The following FGF12 variants were observed in gnomAD, a reference collection of about 807,000 sequenced individuals.
The protein encoded by FGF12 is fibroblast growth factor 12.
Under a neutral mutation model 23.6 loss-of-function variants are expected in FGF12, and 14 were observed. The observed-to-expected ratio is 0.59, with a 90% CI of 0.39 to 0.93. The LOEUF (loss-of-function observed/expected upper bound fraction) is 0.93. FGF12 is among the 40% of genes least tolerant of loss of function. FGF12 has a pLI of 0.00. For synonymous variants in FGF12, 62 were observed against 77.3 expected, an observed-to-expected ratio of 0.80 and a Z score of 1.04; for missense variants, 175 against 217.8, an observed-to-expected ratio of 0.80 and a Z score of 1.24.
chr3:192,645,059 G>A (rs1253522451), intron 2 of FGF12, among the ~76,000 whole-genome samples: 1 of 152,134 alleles, frequency 6.6e-6, no homozygotes, highest in African/African-American at 2.4e-5. Flanking sequence ...CATATTTCGG[G>A]GAATAAAAGC....
At chr3:192,417,327 C>A (rs1721387764) in intron 2 of FGF12, among the ~76,000 whole-genome samples, 3 of 148,160 alleles carry the variant, frequency 2.0e-5, no homozygotes, top group Admixed American at 1.4e-4. Flanking sequence ...AGAATGTTGA[C>A]TTCATGCCAA....
rs189569343 is a variant in FGF12, at chr3:192,529,607, G to T, written c.14-169069C>A. 1.1e-3 allele frequency among the ~76,000 whole-genome samples: 174 copies of T among 152,228 alleles called. 1 individual carries two copies. Among genetic ancestry groups the T allele is most frequent in the African/African-American group, 4.0e-3 (165 of 41,534 alleles). Reference sequence around the variant, plus strand: ...TGTATTAGTCCATTTTTATGCTGCTGATAAAGACATACTGGAGACTGGGCA... The same window carrying T: ...TGTATTAGTCCATTTTTATGCTGCTTATAAAGACATACTGGAGACTGGGCA... On this transcript the variant is annotated intron_variant, in intron 2 of 5. Coordinates refer to ENST00000445105, the MANE Select transcript of FGF12 (RefSeq NM_004113.6).
At chr3:192,352,422 G>A (rs145084074) in intron 3 of FGF12, among the ~76,000 whole-genome samples, 118 of 152,342 alleles carry the variant, frequency 7.7e-4, no homozygotes, top group African/African-American at 2.7e-3. Context: ...CTGAAGTGAT[G>A]CTGGAAAATG....
chr3:192,432,620 CAAAAA>C (rs201364119), intron 2 of FGF12, among the ~76,000 whole-genome samples: 44,597 of 105,894 alleles, frequency 0.42, 7,036 homozygotes, highest in South Asian at 0.54. Context: ...TGACATCTGG[CAAAAA>C]AAAAAAAAAA....
intron 2 of FGF12, among the ~76,000 whole-genome samples, chr3:192,711,481 A>C (rs138033938): frequency 0.076 from 11,502 of 152,066 alleles, 816 homozygotes; most frequent in East Asian, 0.19. Flanking sequence ...GCCATGATGA[A>C]GATGGCGGTT....
intron 2 of FGF12, among the ~76,000 whole-genome samples, chr3:192,369,760 C>T (rs772131284): frequency 2.1e-4 from 32 of 152,178 alleles, no homozygotes; most frequent in Non-Finnish European, 4.0e-4. Flanking sequence ...GAGTAAGATG[C>T]AATTCCTGCC....
chr3:192,171,986 TCCTCCCACATCAGCCTC>T lies in FGF12; in HGVS notation c.229-1347_229-1331del, dbSNP rs370680474. Among the ~76,000 whole-genome samples the T allele has an allele frequency of 6.6e-3, 996 of 152,044 alleles. 6 individuals are homozygous for T. Among genetic ancestry groups the T allele is most frequent in the African/African-American group, 0.023 (955 of 41,468 alleles). ...GCCTCAAACTCCCGGGCCCAGAAGA[TCCTCCCACATCAGCCTC>T]CCAAGTAGCTGGAACTACAGGTGTG... On this transcript the variant is annotated intron_variant, in intron 4 of 5. Transcript: ENST00000445105.
chr3:192,251,076 G>A (rs1002484814), intron 4 of FGF12, among the ~76,000 whole-genome samples: 1 of 152,138 alleles, frequency 6.6e-6, no homozygotes, highest in African/African-American at 2.4e-5. Flanking sequence ...CTGATCGTGA[G>A]TCAATAATGG....
chr3:192,345,673 C>T (rs1486814958), intron 3 of FGF12, among the ~76,000 whole-genome samples: 1 of 37,946 alleles, frequency 2.6e-5, no homozygotes, highest in Non-Finnish European at 3.7e-5. Flanking sequence ...GGCGACAGAG[C>T]GAGACTCCGT....
intron 2 of FGF12, among the ~76,000 whole-genome samples, chr3:192,580,902 A>G (rs1172571969): frequency 1.3e-5 from 2 of 152,212 alleles, no homozygotes; most frequent in African/African-American, 4.8e-5. Flanking sequence ...TCCGGCCTCA[A>G]TAAAGAATTT....
At chr3:192,195,988 C>T (rs1717048395) in intron 4 of FGF12, among the ~76,000 whole-genome samples, 1 of 152,262 alleles carries the variant, frequency 6.6e-6, no homozygotes, top group East Asian at 1.9e-4. Flanking sequence ...ATTACATACA[C>T]TTTGAGGAAC....
intron 4 of FGF12, among the ~76,000 whole-genome samples, chr3:192,305,679 A>AAATATATATATATATATATAT (rs1423738741): frequency 1.1e-4 from 14 of 131,928 alleles, no homozygotes; most frequent in South Asian, 5.2e-4. Flanking sequence ...AAAAAAAAAA[A>AAATATATATATATATATATAT]ATATATATAT....
chr3:192,379,876 T>C (rs182262975), intron 2 of FGF12, among the ~76,000 whole-genome samples: 14 of 152,316 alleles, frequency 9.2e-5, no homozygotes, highest in African/African-American at 3.4e-4. Flanking sequence ...AGATCTTTTT[T>C]ACCTCTTTTG....
chr3:192,680,355 A>T (rs772376438), intron 2 of FGF12, among the ~76,000 whole-genome samples: 1 of 152,248 alleles, frequency 6.6e-6, no homozygotes, highest in Non-Finnish European at 1.5e-5. Context: ...TATGCCCAGG[A>T]CACAAGGGGA....
At chr3:192,324,424 A>G (rs1716710866) in intron 4 of FGF12, among the ~76,000 whole-genome samples, 1 of 152,160 alleles carries the variant, frequency 6.6e-6, no homozygotes, top group South Asian at 2.1e-4. Flanking sequence ...TTTTTAAAAT[A>G]TATCTACTGC....
At chr3:192,546,712 T>C (rs916891805) in intron 2 of FGF12, among the ~76,000 whole-genome samples, 2 of 122,600 alleles carry the variant, frequency 1.6e-5, no homozygotes, top group Admixed American at 2.2e-4. Context: ...GACAAATGAG[T>C]GAACCCTAAC....
At chr3:192,486,605 A>C (rs371621422) in intron 2 of FGF12, among the ~76,000 whole-genome samples, 1 of 152,128 alleles carries the variant, frequency 6.6e-6, no homozygotes. Flanking sequence ...AGCAGGAGGA[A>C]GAAGAGCATG....
rs1360000001 is a variant in FGF12 at position 192,652,621 on chromosome 3, G to A, written c.13+74560C>T. On this transcript the variant is annotated intron_variant, in intron 2 of 5. Coordinates refer to ENST00000445105, the MANE Select transcript of FGF12 (RefSeq NM_004113.6). ...CAGCCTTGGTATTATCTGGTAACTT[G>A]TGAGAAATACAAATTCTCAGGCTAG... Among the ~76,000 whole-genome samples, 5 of 152,162 alleles carry A rather than the reference G, an allele frequency of 3.3e-5. No individual in the cohort carries two copies. The East Asian group carries it at 7.7e-4, about 23-fold the overall frequency.
At position 192,504,748 on chromosome 3, in the gene FGF12, G is replaced by C. The variant is rs146077629; in HGVS notation, c.14-144210C>G. 1.3e-5 allele frequency among the ~76,000 whole-genome samples: 2 copies of C among 152,102 alleles called. 1 individual carries two copies. Among genetic ancestry groups the C allele is most frequent in the Admixed American group, 1.3e-4 (2 of 15,270 alleles). The stretch of plus-strand genomic sequence containing the variant: ...TATTGGGGTTCAACAAAGATGAGGC[G>C]GGGATTCTCAGCAGATGAGTCCTCT... On this transcript the variant is annotated intron_variant, in intron 2 of 5. Coordinates refer to ENST00000445105, the MANE Select transcript of FGF12 (RefSeq NM_004113.6).
Sources: allele counts gnomAD v4.1 joint callset (sites outside exome capture counted in the v4.1 genomes callset), GRCh38; gene constraint gnomAD v4.1.1; transcripts MANE v1.5; gene names NCBI Gene and HGNC (gene_info 2026-07-23, HGNC 2026-07-21).